The following ARMC6 variants were observed in gnomAD, a reference collection of about 807,000 sequenced individuals.
ARMC6 encodes armadillo repeat containing 6, also known as armadillo repeat-containing protein 6.
Under a neutral mutation model 49.2 loss-of-function variants are expected in ARMC6, and 43 were observed. The observed-to-expected ratio is 0.87, with a 90% CI of 0.69 to 1.13. The LOEUF is 1.13. ARMC6 is among the 50% of genes most tolerant of loss of function. ARMC6 has a pLI of 0.00. For synonymous variants in ARMC6, 262 were observed against 289.6 expected (o/e 0.90, Z 0.97); for missense variants, 627 against 682.0 (o/e 0.92, Z 0.90).
At position 19,033,626 on chromosome 19, in the gene ARMC6, C is replaced by T; in HGVS notation, c.-384C>T. ...CCGCGGCCCGGCTCTCTTGCGCAAG[C>T]GCGCTGTCCGCTTCTTCTGGGCGGA... On this transcript the variant is annotated 5_prime_UTR_variant, in exon 1 of 9. Transcript: ENST00000535612. 2 of 1,146,828 alleles carry T rather than the reference C, an allele frequency of 1.7e-6. No homozygotes were observed. Among genetic ancestry groups the T allele is most frequent in the African/African-American group, 1.6e-5 (1 of 61,600 alleles). The allele number at this position is 1,146,828 out of a possible 1,614,324, so 71.0% of individuals were successfully genotyped here.
intron 4 of ARMC6, among the ~76,000 whole-genome samples, chr19:19,051,375 C>CTGTGGTG (rs1165537190): frequency 7.2e-6 from 1 of 139,666 alleles, no homozygotes; most frequent in Non-Finnish European, 1.5e-5. Flanking sequence ...CTCTCTCTCT[C>CTGTGGTG]TGTGTGTGTG....
rs926125072 is a variant in ARMC6, at chr19:19,054,316, G to A, written c.1018G>A (p.Val340Ile). 44 of 1,579,988 alleles carry A rather than the reference G, an allele frequency of 2.8e-5. No homozygotes were observed. The highest frequency in any genetic ancestry group is 6.8e-5 in the African/African-American group (5 of 73,652). Residue 340 changes from valine (V) to isoleucine (I), a missense_variant, in exon 6 of 9, where the codon GTT becomes ATT. Transcript: ENST00000535612. ...CCACCAGATGAGGGACCAGAGCGGCGTTCAGGTATGAAGTCCCCCTGGCCC... is the reference window on the plus strand; with the variant it reads ...CCACCAGATGAGGGACCAGAGCGGCATTCAGGTATGAAGTCCCCCTGGCCC... ...NDHQMRDQSGVQELVKQVLST... is the reference protein window; with the variant it reads ...NDHQMRDQSGIQELVKQVLST...
In ARMC6 at chr19:19,057,527, C is replaced by A; in HGVS notation, c.1405C>A (p.Arg469Ser). 1 of 1,614,080 alleles carries A rather than the reference C, an allele frequency of 6.2e-7. No individual in the cohort carries two copies. The highest frequency in any genetic ancestry group is 8.5e-7 in the Non-Finnish European group (1 of 1,180,030). Reference protein sequence around the residue: ...ALIMQARSAHRDCEDVAKAAL... With the variant: ...ALIMQARSAHSDCEDVAKAAL... ...CATCATGCAGGCCCGATCTGCCCAC[C>A]GTGACTGTGAGGACGTGGCCAAGGC... is the stretch of plus-strand genomic sequence containing the variant. The change falls in exon 9 of 9, where the codon CGT becomes AGT. Residue 469 changes from arginine (R) to serine (S), a missense_variant. Coordinates refer to ENST00000535612, the MANE Select transcript of ARMC6 (RefSeq NM_001199196.2).
At chr19:19,057,364 G>A in intron 8 of ARMC6, 52 bp from the exon 9 acceptor site, 1 of 1,509,470 alleles carries the variant, frequency 6.6e-7, no homozygotes, top group Non-Finnish European at 9.1e-7. Flanking sequence ...AGGTCAGAGT[G>A]GACCCCACCC....
chr19:19,038,843 C>T (rs2059390370), intron 2 of ARMC6, among the ~76,000 whole-genome samples: 1 of 151,926 alleles, frequency 6.6e-6, no homozygotes, highest in African/African-American at 2.4e-5. Context: ...AGGCATGAGC[C>T]ACCATGCCTG....
Position 19,055,209 on chromosome 19 carries a change from C to A in ARMC6, c.1024-56C>A. The A allele has an allele frequency of 6.5e-7, 1 of 1,527,106 alleles. No homozygotes were observed. 94.6% of individuals were successfully genotyped at this position (1,527,106 alleles called of 1,614,324 possible). ...AACAGCCCCACATTCTCCCTCAGAG[C>A]CCTCTCCCACAACCAGCGGCCTGGC... On this transcript the variant is annotated intron_variant, in intron 6 of 8. Transcript: ENST00000535612. This position sits in a 1 kb window ranked among gnomAD's most constrained non-coding sequence, Gnocchi z 5.7.
Position 19,033,707 on chromosome 19 carries a change from G to A in ARMC6, c.-303G>A, listed in dbSNP as rs2059292234. On this transcript the variant is annotated 5_prime_UTR_variant, in exon 1 of 9. Transcript: ENST00000535612. Reference sequence around the variant, plus strand: ...GGGCGGCGACCACCGTGAGCGTCCCGGAAGGGGCGGCAAAGACGCCTCCGT... The same window carrying A: ...GGGCGGCGACCACCGTGAGCGTCCCAGAAGGGGCGGCAAAGACGCCTCCGT... 7.4e-6 allele frequency: 2 copies of A among 271,940 alleles called. No individual in the cohort carries two copies. The highest frequency in any genetic ancestry group is 1.0e-3 in the Middle Eastern group (1 of 990). The allele number at this position is 271,940 out of a possible 1,614,324, so 16.8% of individuals were successfully genotyped here.
In ARMC6 at chr19:19,055,810, C is replaced by T. The variant is rs761404630; in HGVS notation, c.1175C>T (p.Ala392Val). Residue 392 changes from alanine (A) to valine (V), a missense_variant, in exon 8 of 9, where the codon GCG becomes GTG. Transcript: ENST00000535612. The surrounding 1 kb of genome is among the most constrained non-coding windows in gnomAD (Gnocchi z 5.7). The stretch of plus-strand genomic sequence containing the variant: ...CTGCAGGTGTGTGAGCAGAGCTGCG[C>T]GGCCCTGTGCTTCCTGGCCCTGCGT... ...TSPQVCEQSC[A>V]ALCFLALRKP... The T allele has an allele frequency of 4.4e-6, 7 of 1,594,668 alleles. No homozygotes were observed. Among genetic ancestry groups the T allele is most frequent in the South Asian group, 2.3e-5 (2 of 88,818 alleles).
chr19:19,046,927 G>GTTTTTTTTTTTTTTTTTTTTTTTTTTTTT (rs386388691), intron 4 of ARMC6, among the ~76,000 whole-genome samples: 89 of 104,344 alleles, frequency 8.5e-4, no homozygotes, highest in Admixed American at 1.4e-3. Context: ...ATGCTCACCT[G>GTTTTTTTTTTTTTTTTTTTTTTTTTTTTT]TTTTTTTTTT....
At position 19,042,753 on chromosome 19, in the gene ARMC6, G is replaced by A. The variant is rs1180382828; in HGVS notation, c.72G>A (p.Ala24=). 3.1e-6 allele frequency: 5 copies of A among 1,613,700 alleles called. No homozygotes were observed. The highest frequency in any genetic ancestry group is 4.2e-6 in the Non-Finnish European group (5 of 1,180,040). ...GCTGCACGCCAACATCAACACAGGCGAAGATGGTCTCCAAGCGCATTGCCC... is the reference window on the plus strand; with the variant it reads ...GCTGCACGCCAACATCAACACAGGCAAAGATGGTCTCCAAGCGCATTGCCC... ...SIGCTPTSTQ[A]KMVSKRIAQE... The change falls in exon 3 of 9, where the codon GCG becomes GCA. Residue 24 remains alanine (A), a synonymous_variant. Coordinates refer to ENST00000535612, the MANE Select transcript of ARMC6 (RefSeq NM_001199196.2).
intron 4 of ARMC6, among the ~76,000 whole-genome samples, chr19:19,051,369 CTCTCTCTGTGTG>C (rs1269026755): frequency 6.2e-5 from 8 of 129,402 alleles, no homozygotes; most frequent in African/African-American, 2.7e-4. Flanking sequence ...ATCTCTCTCT[CTCTCTCTGTGTG>C]TGTGTGTGTG....
rs1031374949 is a variant in ARMC6, at chr19:19,055,148, C to T, written c.1024-117C>T. 2 of 1,334,358 alleles carry T rather than the reference C, an allele frequency of 1.5e-6. No homozygotes were observed. Among genetic ancestry groups the T allele is most frequent in the African/African-American group, 1.5e-5 (1 of 66,676 alleles). 82.7% of individuals were successfully genotyped at this position (1,334,358 alleles called of 1,614,324 possible). On this transcript the variant is annotated intron_variant, in intron 6 of 8. Transcript: ENST00000535612. The surrounding 1 kb of genome is among the most constrained non-coding windows in gnomAD (Gnocchi z 5.7). ...TGCCACCCCTTCTCGTTAGTCACACCCTGCAGTCACACCATACCTGTTGGT... is the reference window on the plus strand; with the variant it reads ...TGCCACCCCTTCTCGTTAGTCACACTCTGCAGTCACACCATACCTGTTGGT...
Position 19,052,190 on chromosome 19 carries a change from C to T in ARMC6, c.848C>T (p.Thr283Ile). ...NKGLKVLIEATKAFLDNPGIL... is the reference protein window; with the variant it reads ...NKGLKVLIEAIKAFLDNPGIL... ...GGCTTGAAGGTGCTCATCGAAGCCA[C>T]CAAAGGTAAGAGCTGGGGGCCGACA... Residue 283 changes from threonine (T) to isoleucine (I), a missense_variant, in exon 5 of 9, where the codon ACC becomes ATC. By Grantham distance (89) the Thr-to-Ile change is moderately conservative (BLOSUM62 -1). Transcript: ENST00000535612. 1 of 1,595,130 alleles carries T rather than the reference C, an allele frequency of 6.3e-7. No homozygotes were observed. Among genetic ancestry groups the T allele is most frequent in the Non-Finnish European group, 8.5e-7 (1 of 1,170,522 alleles).
At chr19:19,039,759 C>T (rs934438415) in intron 2 of ARMC6, among the ~76,000 whole-genome samples, 5 of 152,202 alleles carry the variant, frequency 3.3e-5, no homozygotes, top group African/African-American at 1.2e-4. Flanking sequence ...TACCACCATG[C>T]GCACAGACCA....
chr19:19,057,506 A>G lies in ARMC6; in HGVS notation c.1384A>G (p.Met462Val), dbSNP rs2059554406. ...GGACCTGGGGGCTGAGGCACTCATCATGCAGGCCCGATCTGCCCACCGTGA... is the reference window on the plus strand; with the variant it reads ...GGACCTGGGGGCTGAGGCACTCATCGTGCAGGCCCGATCTGCCCACCGTGA... ...ILDLGAEALI[M>V]QARSAHRDCE... The change falls in exon 9 of 9, where the codon ATG becomes GTG. Residue 462 changes from methionine (M) to valine (V), a missense_variant. Coordinates refer to ENST00000535612, the MANE Select transcript of ARMC6 (RefSeq NM_001199196.2). 8.7e-6 allele frequency: 14 copies of G among 1,614,034 alleles called. No homozygotes were observed. The highest frequency in any genetic ancestry group is 1.2e-5 in the Non-Finnish European group (14 of 1,179,992).
At position 19,042,734 on chromosome 19, in the gene ARMC6, C is replaced by T. The variant is rs767177006; in HGVS notation, c.53C>T (p.Thr18Met). ...RYSSGASIGC[T>M]PTSTQAKMVS... ...AGCTCAGGAGCATCTATCGGCTGCA[C>T]GCCAACATCAACACAGGCGAAGATG... Residue 18 changes from threonine to methionine, a missense_variant, in exon 3 of 9, where the codon ACG becomes ATG. Transcript: ENST00000535612. 5.5e-5 allele frequency: 88 copies of T among 1,613,390 alleles called. No homozygotes were observed. Among genetic ancestry groups the T allele is most frequent in the South Asian group, 5.1e-4 (46 of 91,086 alleles).
intron 2 of ARMC6, 84 bp from the exon 3 acceptor site, chr19:19,042,627 C>T: frequency 1.4e-6 from 2 of 1,454,104 alleles, no homozygotes; most frequent in Non-Finnish European, 1.9e-6. Flanking sequence ...GTAGATGCTT[C>T]CTAAGTGGCG....
At chr19:19,056,936 C>T (rs2059549828) in intron 8 of ARMC6, among the ~76,000 whole-genome samples, 1 of 152,240 alleles carries the variant, frequency 6.6e-6, no homozygotes, top group Non-Finnish European at 1.5e-5. Context: ...CACCTGCTGT[C>T]CTGCTGGTGG....
At chr19:19,040,433 T>G (rs531084418) in intron 2 of ARMC6, among the ~76,000 whole-genome samples, 4 of 152,120 alleles carry the variant, frequency 2.6e-5, no homozygotes, top group Non-Finnish European at 5.9e-5. Context: ...TAGGTTTTTT[T>G]TAAAAAAATT....
Sources: gnomAD v4.1 joint callset for allele counts (sites outside exome capture counted in the v4.1 genomes callset) on GRCh38, gnomAD v4.1.1 for gene constraint, Gnocchi (gnomAD v3.1) non-coding constraint, MANE v1.5 for transcripts, NCBI Gene and HGNC (gene_info 2026-07-23, HGNC 2026-07-21) for gene names.